The following LRP12 variants were observed in gnomAD, a reference collection of about 807,000 sequenced individuals.
LRP12 encodes the protein LDL receptor related protein 12.
Under a neutral mutation model 66.0 loss-of-function variants are expected in LRP12, and 14 were observed. The ratio of observed to expected loss-of-function variants is 0.21; its 90% confidence interval spans 0.14 to 0.33. The LOEUF is 0.33. LRP12 is among the 10% of genes least tolerant of loss of function. The pLI is 1.00. For synonymous variants in LRP12, 357 were observed against 359.1 expected (o/e 0.99, Z 0.07); for missense variants, 889 against 1,053.4 (o/e 0.84, Z 2.16).
chr8:104,565,670 C>T (rs989652874), intron 1 of LRP12, among the ~76,000 whole-genome samples: 4 of 151,988 alleles, frequency 2.6e-5, no homozygotes, highest in Admixed American at 1.3e-4. Context: ...ACCACCCTGG[C>T]TAACACGGTG....
At chr8:104,586,743 G>A (rs1588514617) in intron 1 of LRP12, among the ~76,000 whole-genome samples, 1 of 152,130 alleles carries the variant, frequency 6.6e-6, no homozygotes, top group Non-Finnish European at 1.5e-5. Flanking sequence ...CAAAAAACAT[G>A]CAGCCATAAA....
chr8:104,525,595 C>G (rs141637781), intron 2 of LRP12, among the ~76,000 whole-genome samples: 1 of 152,212 alleles, frequency 6.6e-6, no homozygotes, highest in East Asian at 1.9e-4. Context: ...TCATTTACTA[C>G]TCACCAGATA....
At chr8:104,531,985 A>G (rs1564137391) in intron 1 of LRP12, 22 bp from the exon 2 acceptor site, 1 of 1,514,784 alleles carries the variant, frequency 6.6e-7, no homozygotes, top group East Asian at 2.3e-5. Flanking sequence ...CATAATGAAT[A>G]AACTAATATC....
intron 1 of LRP12, among the ~76,000 whole-genome samples, chr8:104,577,662 T>G (rs915400639): frequency 2.6e-5 from 4 of 151,644 alleles, no homozygotes; most frequent in African/African-American, 9.7e-5. Context: ...TGCAAAAAAA[T>G]TAGCTGGGCG....
At chr8:104,517,307 A>G (rs548735664) in intron 2 of LRP12, among the ~76,000 whole-genome samples, 8 of 151,780 alleles carry the variant, frequency 5.3e-5, no homozygotes, top group East Asian at 3.9e-4. Context: ...CCAAAAACCT[A>G]TATTATACAA....
chr8:104,542,409 G>A (rs1309764831), intron 1 of LRP12, among the ~76,000 whole-genome samples: 1 of 152,186 alleles, frequency 6.6e-6, no homozygotes, highest in Non-Finnish European at 1.5e-5. Context: ...CCCTTGGTTA[G>A]ATACATAATT....
intron 3 of LRP12, among the ~76,000 whole-genome samples, chr8:104,500,316 T>C (rs1220465196): frequency 1.3e-5 from 2 of 152,232 alleles, no homozygotes; most frequent in Admixed American, 6.5e-5. Context: ...CCAAGGATTA[T>C]TATACCAGAA....
At chr8:104,530,415 A>G (rs1811308365) in intron 2 of LRP12, among the ~76,000 whole-genome samples, 1 of 152,208 alleles carries the variant, frequency 6.6e-6, no homozygotes, top group South Asian at 2.1e-4. Context: ...AAGAAGAGGC[A>G]CAAGAGACCT....
intron 1 of LRP12, among the ~76,000 whole-genome samples, chr8:104,580,311 T>C (rs1354437861): frequency 1.3e-5 from 2 of 149,728 alleles, no homozygotes; most frequent in African/African-American, 4.9e-5. Context: ...GGTCAGGAGA[T>C]TGAGACCATC....
At chr8:104,525,646 G>A (rs375434457) in intron 2 of LRP12, among the ~76,000 whole-genome samples, 1 of 148,784 alleles carries the variant, frequency 6.7e-6, no homozygotes, top group Non-Finnish European at 1.5e-5. Flanking sequence ...CTAACTTAAT[G>A]TTCATTATTT....
intron 1 of LRP12, among the ~76,000 whole-genome samples, chr8:104,580,794 C>T (rs575931737): frequency 6.6e-5 from 10 of 152,126 alleles, no homozygotes; most frequent in East Asian, 5.8e-4. Flanking sequence ...CAAATGCTTG[C>T]GAGGTTGTGG....
chr8:104,585,969 T>C (rs538193952), intron 1 of LRP12, among the ~76,000 whole-genome samples: 1 of 152,328 alleles, frequency 6.6e-6, no homozygotes, highest in African/African-American at 2.4e-5. Flanking sequence ...AAGCACTTTT[T>C]CCTCTTACAG....
intron 1 of LRP12, among the ~76,000 whole-genome samples, chr8:104,547,550 T>TA (rs1811600019): frequency 7.8e-6 from 1 of 128,082 alleles, no homozygotes; most frequent in Admixed American, 8.8e-5. Context: ...TAATATATAA[T>TA]TACATATTAT....
chr8:104,553,162 G>A (rs1339577159), intron 1 of LRP12, among the ~76,000 whole-genome samples: 1 of 152,218 alleles, frequency 6.6e-6, no homozygotes, highest in Non-Finnish European at 1.5e-5. Context: ...AAAAACCACA[G>A]GGAGAAGGAA....
At chr8:104,566,799 T>A (rs1812011479) in intron 1 of LRP12, among the ~76,000 whole-genome samples, 1 of 152,158 alleles carries the variant, frequency 6.6e-6, no homozygotes, top group Admixed American at 6.5e-5. Flanking sequence ...AGGCCCTTAA[T>A]TATTATTGTT....
chr8:104,583,726 CAGTTAAGT>C (rs1812289737), intron 1 of LRP12, among the ~76,000 whole-genome samples: 2 of 152,116 alleles, frequency 1.3e-5, no homozygotes, highest in Admixed American at 1.3e-4. Context: ...GGTTTGACTT[CAGTTAAGT>C]CACAATATTT....
rs112338985 is a variant in LRP12 at position 104,516,857 on chromosome 8, T to A, written c.137-7783A>T. Among the ~76,000 whole-genome samples, 582 of 152,144 alleles carry A rather than the reference T, an allele frequency of 3.8e-3. 7 individuals are homozygous for A. Among genetic ancestry groups the A allele is most frequent in the African/African-American group, 0.013 (555 of 41,524 alleles). ...TTACAGAAAAAGTACATATTTACAA[T>A]TAGAGCTGAACTACTGTCAAAGAAA... is the stretch of plus-strand genomic sequence containing the variant. On this transcript the variant is annotated intron_variant, in intron 2 of 6. Coordinates refer to ENST00000276654, the MANE Select transcript of LRP12 (RefSeq NM_013437.5).
rs143399814 is a variant in LRP12 at position 104,554,064 on chromosome 8, C to T, written c.80-22101G>A. Among the ~76,000 whole-genome samples the T allele has an allele frequency of 7.9e-5, 12 of 152,068 alleles. No homozygotes were observed. In the East Asian group the frequency reaches 9.7e-4, roughly 12 times the overall value. Reference sequence around the variant, plus strand: ...TGCAGTTCACCTCTCAGGAATACTACGGGAAGGGAGAGAACACCACATCAA... The same window carrying T: ...TGCAGTTCACCTCTCAGGAATACTATGGGAAGGGAGAGAACACCACATCAA... On this transcript the variant is annotated intron_variant, in intron 1 of 6. Coordinates refer to ENST00000276654, the MANE Select transcript of LRP12 (RefSeq NM_013437.5).
intron 1 of LRP12, among the ~76,000 whole-genome samples, chr8:104,557,340 TC>T (rs1374625230): frequency 6.6e-6 from 1 of 152,174 alleles, no homozygotes; most frequent in African/African-American, 2.4e-5. Flanking sequence ...AGTCAAACTG[TC>T]GCTGTTTGCC....
Sources: allele counts gnomAD v4.1 joint callset (sites outside exome capture counted in the v4.1 genomes callset), GRCh38; gene constraint gnomAD v4.1.1; transcripts MANE v1.5; gene names NCBI Gene and HGNC (gene_info 2026-07-23, HGNC 2026-07-21).